VRK2: variants seen among roughly 807,000 people sequenced by gnomAD.
VRK2 encodes VRK serine/threonine kinase 2.
A neutral mutation model predicts 57.6 loss-of-function variants in VRK2; 60 were observed. That is an observed-to-expected ratio of 1.04 (90% CI 0.85 to 1.29). The LOEUF (loss-of-function observed/expected upper bound fraction) is 1.29. Ranked by LOEUF, VRK2 falls within the 50% of genes most tolerant of loss-of-function variation. VRK2 has a pLI of 0.00. For synonymous variants in VRK2, 231 were observed against 199.2 expected (o/e 1.16, Z -1.35); for missense variants, 705 against 588.1 (o/e 1.20, Z -2.06).
intron 3 of VRK2, among the ~76,000 whole-genome samples, chr2:58,036,599 T>A (rs1305203315): frequency 2.0e-5 from 3 of 152,046 alleles, no homozygotes; most frequent in Non-Finnish European, 4.4e-5. Context: ...CAAATTAATA[T>A]ATACAGAAAT....
At chr2:58,040,978 T>C in intron 3 of VRK2, 1 of 926,464 alleles carries the variant, frequency 1.1e-6, no homozygotes, top group Non-Finnish European at 1.3e-6. Flanking sequence ...CTATTCTTAT[T>C]GAACATTCAG....
At chr2:58,080,579 C>G (rs1437281656) in intron 2 of VRK2, among the ~76,000 whole-genome samples, 1 of 151,640 alleles carries the variant, frequency 6.6e-6, no homozygotes, top group Non-Finnish European at 1.5e-5. Context: ...CTTTCTGTTG[C>G]ACCATTCCTT....
intron 7 of VRK2, among the ~76,000 whole-genome samples, chr2:58,100,653 T>A (rs924283959): frequency 2.0e-5 from 3 of 151,836 alleles, no homozygotes; most frequent in African/African-American, 7.2e-5. Context: ...TATTTTAAAA[T>A]TATATACTTT....
At chr2:58,156,584 TTTTG>T (rs1480974582) in intron 12 of VRK2, among the ~76,000 whole-genome samples, 1 of 117,326 alleles carries the variant, frequency 8.5e-6, no homozygotes, top group African/African-American at 6.7e-5. Flanking sequence ...GTGGTGTTTT[TTTTG>T]TTTTGTTTTG....
chr2:58,003,660 T>C (rs1484062072), intron 1 of VRK2, among the ~76,000 whole-genome samples: 1 of 152,164 alleles, frequency 6.6e-6, no homozygotes, highest in African/African-American at 2.4e-5. Context: ...TTTCTGGCAA[T>C]TTTAGCATAA....
At chr2:58,143,928 A>C (rs1020939935) in intron 11 of VRK2, among the ~76,000 whole-genome samples, 1 of 151,652 alleles carries the variant, frequency 6.6e-6, no homozygotes, top group Non-Finnish European at 1.5e-5. Flanking sequence ...TATTTTATTC[A>C]TATATATTGT....
chr2:58,070,089 A>T (rs1669174526), intron 2 of VRK2, among the ~76,000 whole-genome samples: 1 of 152,188 alleles, frequency 6.6e-6, no homozygotes, highest in Admixed American at 6.5e-5. Flanking sequence ...AGTTTTCTTT[A>T]TTACTAACAA....
At chr2:57,954,193 C>A (rs898134295) in intron 1 of VRK2, among the ~76,000 whole-genome samples, 5 of 152,140 alleles carry the variant, frequency 3.3e-5, no homozygotes, top group African/African-American at 1.2e-4. Context: ...GGCTTTTCAA[C>A]ACTAGACCAG....
At position 58,113,424 on chromosome 2, in the gene VRK2, A is replaced by T. The variant is rs367749701; in HGVS notation, c.544-9677A>T. Among the ~76,000 whole-genome samples the T allele has an allele frequency of 3.3e-4, 51 of 152,254 alleles. No homozygotes were observed. The East Asian group carries it at 6.6e-3, about 20-fold the overall frequency. On this transcript the variant is annotated intron_variant, in intron 7 of 12. Coordinates refer to ENST00000340157, the MANE Select transcript of VRK2 (RefSeq NM_006296.7). ...GCTGCTTCTGGAAAGAAAGAGGACC[A>T]TAGAGACTTTCATGCGGGTCCGTGT...
intron 2 of VRK2, among the ~76,000 whole-genome samples, chr2:58,067,176 A>C (rs1324876961): frequency 6.6e-6 from 1 of 152,114 alleles, no homozygotes; most frequent in Non-Finnish European, 1.5e-5. Flanking sequence ...GTGGTTTTTC[A>C]GGGGCTCTCG....
At chr2:58,086,951 C>T (rs1671711577) in intron 5 of VRK2, among the ~76,000 whole-genome samples, 1 of 152,130 alleles carries the variant, frequency 6.6e-6, no homozygotes, top group Non-Finnish European at 1.5e-5. Flanking sequence ...ATTCTCTTTG[C>T]TAGAAGCTAG....
At chr2:58,038,477 A>C (rs1674344433) in intron 3 of VRK2, among the ~76,000 whole-genome samples, 1 of 152,142 alleles carries the variant, frequency 6.6e-6, no homozygotes, top group Non-Finnish European at 1.5e-5. Context: ...GTGGTGTATA[A>C]ATTTTCCTTT....
chr2:58,002,411 G>C (rs760555150), intron 1 of VRK2, among the ~76,000 whole-genome samples: 10 of 152,048 alleles, frequency 6.6e-5, no homozygotes, highest in African/African-American at 9.7e-5. Flanking sequence ...GAAGGCAGAG[G>C]ATGCAGTGAG....
chr2:58,156,448 C>T (rs1462599733), intron 12 of VRK2, among the ~76,000 whole-genome samples: 1 of 151,984 alleles, frequency 6.6e-6, no homozygotes. Context: ...TGTTTCATGC[C>T]TTAATCTCTC....
chr2:58,109,271 CT>C, intron 7 of VRK2, among the ~76,000 whole-genome samples: 1 of 152,086 alleles, frequency 6.6e-6, no homozygotes, highest in Non-Finnish European at 1.5e-5. Flanking sequence ...CCCTCAACCC[CT>C]AGGAGCCTAC....
chr2:57,991,072 C>A (rs1672751769), intron 1 of VRK2, among the ~76,000 whole-genome samples: 1 of 151,670 alleles, frequency 6.6e-6, no homozygotes, highest in African/African-American at 2.4e-5. Context: ...AAAAAAAAAA[C>A]TTTAATCTAC....
At chr2:58,108,348 G>A (rs1265518454) in intron 7 of VRK2, among the ~76,000 whole-genome samples, 1 of 151,984 alleles carries the variant, frequency 6.6e-6, no homozygotes, top group South Asian at 2.1e-4. Context: ...CTCCTAAATG[G>A]ACTCTCTGCA....
chr2:58,145,477 TA>T (rs1681971646), intron 11 of VRK2, among the ~76,000 whole-genome samples: 1 of 151,982 alleles, frequency 6.6e-6, no homozygotes, highest in Non-Finnish European at 1.5e-5. Context: ...ACTACAAAGA[TA>T]TACTGGATAC....
At chr2:57,982,441 T>A (rs116452950) in intron 1 of VRK2, among the ~76,000 whole-genome samples, 2,397 of 152,266 alleles carry the variant, frequency 0.016, 64 homozygotes, top group African/African-American at 0.055. Context: ...AAGCAGGCTG[T>A]AGGCAGGTGC....
Sources: allele counts gnomAD v4.1 joint callset (sites outside exome capture counted in the v4.1 genomes callset), GRCh38; gene constraint gnomAD v4.1.1; transcripts MANE v1.5; gene names NCBI Gene and HGNC (gene_info 2026-07-23, HGNC 2026-07-21).